The following LIFR variants were observed in gnomAD, a reference collection of about 807,000 sequenced individuals.
The protein encoded by LIFR is LIF receptor subunit alpha.
A neutral mutation model predicts 122.2 loss-of-function variants in LIFR; 84 were observed. The ratio of observed to expected loss-of-function variants is 0.69; its 90% CI spans 0.58 to 0.82. The LOEUF (loss-of-function observed/expected upper bound fraction) is 0.82, where lower values mean the gene tolerates loss of function less well. LIFR is among the 40% of genes least tolerant of loss of function. The probability of loss-of-function intolerance (pLI) is 0.00; values close to 1 mark genes in which losing one functional copy is unlikely to be tolerated. For synonymous variants in LIFR, 422 were observed against 434.7 expected (o/e 0.97, Z 0.36); for missense variants, 1,294 against 1,311.6 (o/e 0.99, Z 0.21).
At position 38,480,894 on chromosome 5, in the gene LIFR, C is replaced by T. The variant is rs376245959; in HGVS notation, c.*701G>A. 26 of 219,940 alleles carry T rather than the reference C, an allele frequency of 1.2e-4. No homozygotes were observed. The highest frequency in any genetic ancestry group is 5.6e-4 in the African/African-American group (25 of 44,706). The allele number at this position is 219,940 out of a possible 1,614,324, so 13.6% of individuals were successfully genotyped here. A position where few individuals can be genotyped will look rare whatever the true frequency, so the allele number is the denominator to read the frequency against. ...AAAAATAATGAAAAGGCTTGCAAAA[C>T]CTATCACAGCAAGAAAACATGATTA... is the stretch of plus-strand genomic sequence containing the variant. On this transcript the variant is annotated 3_prime_UTR_variant, in exon 20 of 20. Transcript: ENST00000453190.
intron 1 of LIFR, among the ~76,000 whole-genome samples, chr5:38,566,303 C>T (rs1822814): frequency 0.37 from 56,235 of 152,044 alleles, 10,606 homozygotes; most frequent in East Asian, 0.61. Context: ...AAATCCCTTT[C>T]AGTGGCTCAA....
intron 1 of LIFR, among the ~76,000 whole-genome samples, chr5:38,553,637 T>C (rs1748334359): frequency 1.3e-5 from 1 of 75,364 alleles, no homozygotes; most frequent in Non-Finnish European, 2.4e-5. Context: ...TATATATATA[T>C]ATATATATAT....
intron 4 of LIFR, among the ~76,000 whole-genome samples, chr5:38,524,940 T>G (rs969800482): frequency 2.0e-5 from 3 of 152,190 alleles, no homozygotes; most frequent in African/African-American, 7.2e-5. Flanking sequence ...AAACAGTTTA[T>G]AGAGGAAGAC....
In LIFR at chr5:38,530,545, G is replaced by A; in HGVS notation, c.103C>T (p.Leu35Phe). Residue 35 changes from leucine (L) to phenylalanine (F), a missense_variant, in exon 2 of 20, where the codon CTT becomes TTT. Leu to Phe is a conservative substitution (Grantham distance 22). Transcript: ENST00000453190. ...TTTACTTGATTCATTAGATATAGAA[G>A]AATAAATGTTGATAACAGCCACTGG... ...NFQWLLSTFI[L>F]LYLMNQVNSQ... is the part of the protein sequence containing the mutation. The A allele has an allele frequency of 6.2e-7, 1 of 1,612,818 alleles. No homozygotes were observed. The highest frequency in any genetic ancestry group is 8.5e-7 in the Non-Finnish European group (1 of 1,178,874).
rs1221391544 is a variant in LIFR, at chr5:38,518,193, C to T, written c.561+5226G>A. On this transcript the variant is annotated intron_variant, in intron 5 of 19. Coordinates refer to ENST00000453190, the MANE Select transcript of LIFR (RefSeq NM_001127671.2). ...TTGAAATGCAGGTTCGAGTAGGATA[C>T]GTGAGAAGGGGAGGACATTTTAAAT... Among the ~76,000 whole-genome samples the T allele has an allele frequency of 2.0e-5, 3 of 151,842 alleles. No homozygotes were observed. The South Asian group carries it at 6.2e-4, about 32-fold the overall frequency.
At chr5:38,571,661 T>A (rs1749217969) in intron 1 of LIFR, among the ~76,000 whole-genome samples, 1 of 152,220 alleles carries the variant, frequency 6.6e-6, no homozygotes. Context: ...AATGTCTTGT[T>A]ATCATAATGC....
chr5:38,516,533 C>T (rs1252633550), intron 5 of LIFR, among the ~76,000 whole-genome samples: 1 of 151,998 alleles, frequency 6.6e-6, no homozygotes, highest in African/African-American at 2.4e-5. Flanking sequence ...GTTAGAATGG[C>T]GATCATTAAA....
At chr5:38,504,187 A>C in intron 9 of LIFR, 66 bp from the exon 10 acceptor site, 1 of 1,120,136 alleles carries the variant, frequency 8.9e-7, no homozygotes. Flanking sequence ...TAATATGACA[A>C]ATGAGAAGAA....
chr5:38,604,591 C>T (rs1750288213), intron 2 of LIFR, among the ~76,000 whole-genome samples: 1 of 152,046 alleles, frequency 6.6e-6, no homozygotes, highest in Middle Eastern at 3.2e-3. Context: ...ATCTCAGCTA[C>T]CCGGGAGGCT....
At chr5:38,579,338 G>A (rs1034617388) in intron 1 of LIFR, 1 of 152,034 alleles carries the variant, frequency 6.6e-6, no homozygotes, top group African/African-American at 2.4e-5. Context: ...AAGTAGAGAA[G>A]GATAATATTT....
Position 38,479,724 on chromosome 5 carries a change from C to T in LIFR, c.*1871G>A, listed in dbSNP as rs1009847157. On this transcript the variant is annotated 3_prime_UTR_variant, in exon 20 of 20. Transcript: ENST00000453190. The stretch of plus-strand genomic sequence containing the variant: ...AAGCTTTGGCAGGGAGAGAAGGCAG[C>T]CCCAGGTCTGATGTCTGGGGTGGAA... 7 of 231,450 alleles carry T rather than the reference C, an allele frequency of 3.0e-5. No individual in the cohort carries two copies. Among genetic ancestry groups the T allele is most frequent in the Non-Finnish European group, 6.0e-5 (7 of 117,068 alleles). The allele number at this position is 231,450 out of a possible 1,614,324, so 14.3% of individuals were successfully genotyped here.
At position 38,478,668 on chromosome 5, in the gene LIFR, T is replaced by C. The variant is rs181138508; in HGVS notation, c.*2927A>G. ...AGAAATGTAGTCATAATAAGCCCCATAATGATCTCCATTCCTCGCAAGGGA... is the reference window on the plus strand; with the variant it reads ...AGAAATGTAGTCATAATAAGCCCCACAATGATCTCCATTCCTCGCAAGGGA... On this transcript the variant is annotated 3_prime_UTR_variant, in exon 20 of 20. Coordinates refer to ENST00000453190, the MANE Select transcript of LIFR (RefSeq NM_001127671.2). 1 of 200,078 alleles carries C rather than the reference T, an allele frequency of 5.0e-6. No homozygotes were observed. Among genetic ancestry groups the C allele is most frequent in the East Asian group, 7.7e-5 (1 of 12,978 alleles). The allele number at this position is 200,078 out of a possible 1,614,324, so 12.4% of individuals were successfully genotyped here.
chr5:38,490,525 T>TTTA, intron 14 of LIFR: 1 of 270,922 alleles, frequency 3.7e-6, no homozygotes, highest in Non-Finnish European at 6.9e-6. Context: ...TAAGATGGGA[T>TTTA]TGCATTGAAG....
At chr5:38,534,540 C>T (rs1364210996) in intron 1 of LIFR, among the ~76,000 whole-genome samples, 1 of 152,158 alleles carries the variant, frequency 6.6e-6, no homozygotes, top group Non-Finnish European at 1.5e-5. Flanking sequence ...GTATATAGGT[C>T]TAGTCCTAGC....
chr5:38,506,368 G>A (rs1745482434), intron 8 of LIFR, 135 bp downstream of exon 8: 2 of 1,020,174 alleles, frequency 2.0e-6, no homozygotes, highest in Non-Finnish European at 3.0e-6. Flanking sequence ...GTGCTTATAA[G>A]TGTAATTTTA....
At chr5:38,506,452 C>A (rs1291765334) in intron 8 of LIFR, 51 bp downstream of exon 8, 3 of 1,604,448 alleles carry the variant, frequency 1.9e-6, no homozygotes, top group Admixed American at 3.3e-5. Context: ...ATTTAACATG[C>A]ACTTCCAACG....
At position 38,572,520 on chromosome 5, in the gene LIFR, T is replaced by G. The variant is rs185046209; in HGVS notation, c.-20+22741A>C. ...GGGGGCACAGATCCAAACTATTGAT[T>G]TGAAAATCCTTATAAAGCACCCCTC... On this transcript the variant is annotated intron_variant, in intron 1 of 19. Transcript: ENST00000263409. 3.5e-3 allele frequency among the ~76,000 whole-genome samples: 530 copies of G among 152,256 alleles called. 4 individuals are homozygous for G. Among genetic ancestry groups the G allele is most frequent in the Middle Eastern group, 6.8e-3 (2 of 294 alleles).
chr5:38,521,538 C>G (rs773639888), intron 5 of LIFR, among the ~76,000 whole-genome samples: 28 of 152,130 alleles, frequency 1.8e-4, no homozygotes, highest in Non-Finnish European at 2.8e-4. Flanking sequence ...TGTCTTTGGA[C>G]CCCAGGATGG....
At position 38,480,301 on chromosome 5, in the gene LIFR, C is replaced by T. The variant is rs1302929826; in HGVS notation, c.*1294G>A. 8.8e-6 allele frequency: 2 copies of T among 227,502 alleles called. No individual in the cohort carries two copies. Among genetic ancestry groups the T allele is most frequent in the Non-Finnish European group, 1.7e-5 (2 of 114,480 alleles). The allele number at this position is 227,502 out of a possible 1,614,324, so 14.1% of individuals were successfully genotyped here. ...TTCCAAGAACCACAATCACTCCAGA[C>T]ATCGCTTATGAGAAACAAGGGTGGG... On this transcript the variant is annotated 3_prime_UTR_variant, in exon 20 of 20. Coordinates refer to ENST00000453190, the MANE Select transcript of LIFR (RefSeq NM_001127671.2).
Sources: gnomAD v4.1 joint callset for allele counts (sites outside exome capture counted in the v4.1 genomes callset) on GRCh38, gnomAD v4.1.1 for gene constraint, MANE v1.5 for transcripts, NCBI Gene and HGNC (gene_info 2026-07-23, HGNC 2026-07-21) for gene names.